The following NAT16 variants were observed in gnomAD, a reference collection of about 807,000 sequenced individuals.
NAT16 encodes the protein N-acetyltransferase 16 (putative), also known as probable N-acetyltransferase 16.
NAT16 carries 16 observed loss-of-function variants against 15.9 expected under a neutral mutation model. The ratio of observed to expected loss-of-function variants is 1.01; its 90% CI spans 0.68 to 1.53. The LOEUF (loss-of-function observed/expected upper bound fraction) is 1.53, where lower values mean the gene tolerates loss of function less well. NAT16 is among the 40% of genes most tolerant of loss of function. The pLI, the probability that NAT16 is intolerant of heterozygous loss-of-function variation, is 0.00. For missense variants in NAT16, 572 were observed against 508.4 expected (o/e 1.13, Z -1.20); for synonymous variants, 260 against 241.9 (o/e 1.07, Z -0.69).
chr7:101,173,693 A>ACAGT, intron 2 of NAT16, 173 bp from the exon 3 acceptor site: 1 of 563,436 alleles, frequency 1.8e-6, no homozygotes, highest in South Asian at 2.5e-5. Flanking sequence ...AGCCGGCAGA[A>ACAGT]CAGTCATTCG....
chr7:101,171,036 A>G lies in NAT16; in HGVS notation c.*1043T>C, dbSNP rs1389530503. ...AAGCATAAATGATCCAGAGAAAGGGAGTGGTGTCCAGAAATACCAGGAGGT... is the reference window on the plus strand; with the variant it reads ...AAGCATAAATGATCCAGAGAAAGGGGGTGGTGTCCAGAAATACCAGGAGGT... On this transcript the variant is annotated 3_prime_UTR_variant, in exon 4 of 4. Transcript: ENST00000300303. The G allele has an allele frequency of 6.6e-6, 1 of 152,254 alleles. No individual in the cohort carries two copies. The highest frequency in any genetic ancestry group is 1.5e-5 in the Non-Finnish European group (1 of 68,052). The allele number at this position is 152,254 out of a possible 1,614,324, so 9.4% of individuals were successfully genotyped here.
At chr7:101,174,365 C>G (rs892561679) in intron 2 of NAT16, 131 bp downstream of exon 2, 209 of 1,279,532 alleles carry the variant, frequency 1.6e-4, no homozygotes, top group Non-Finnish European at 2.1e-4. Flanking sequence ...GCACTTTGGT[C>G]CCAAAGCAGG....
Position 101,171,534 on chromosome 7 carries a change from G to A in NAT16, c.*545C>T. On this transcript the variant is annotated 3_prime_UTR_variant, in exon 4 of 4. Coordinates refer to ENST00000300303, the MANE Select transcript of NAT16 (RefSeq NM_198571.3). ...CTGATCTCTGGCACCAGAAGCTTGAGCAGGGGGAGGGGATTGGGGTGTGGA... is the reference window on the plus strand; with the variant it reads ...CTGATCTCTGGCACCAGAAGCTTGAACAGGGGGAGGGGATTGGGGTGTGGA... 1 of 153,418 alleles carries A rather than the reference G, an allele frequency of 6.5e-6. No homozygotes were observed. Among genetic ancestry groups the A allele is most frequent in the Admixed American group, 6.5e-5 (1 of 15,330 alleles). The allele number at this position is 153,418 out of a possible 1,614,324, so 9.5% of individuals were successfully genotyped here.
chr7:101,174,567 G>A lies in NAT16; in HGVS notation c.241C>T (p.Pro81Ser). 6.2e-7 allele frequency: 1 copy of A among 1,613,848 alleles called. No individual in the cohort carries two copies. Among genetic ancestry groups the A allele is most frequent in the Admixed American group, 1.7e-5 (1 of 60,028 alleles). ...GGIYGGLDYLPSRYHSWLRDP... is the reference protein window; with the variant it reads ...GGIYGGLDYLSSRYHSWLRDP... ...CGGAGCCAGCTGTGGTAGCGGCTAG[G>A]AAGGTAGTCCAGGCCGCCGTAGATG... The change falls in exon 2 of 4, where the codon CCT (proline) becomes TCT (serine). Residue 81 changes from proline to serine, a missense_variant. Coordinates refer to ENST00000300303, the MANE Select transcript of NAT16 (RefSeq NM_198571.3).
Position 101,174,579 on chromosome 7 carries a change from G to A in NAT16, c.229C>T (p.Leu77=). ...LAISGGIYGG[L]DYLPSRYHSW... ...TGGTAGCGGCTAGGAAGGTAGTCCA[G>A]GCCGCCGTAGATGCCCCCCGAGATG... The change falls in exon 2 of 4, where the codon CTG becomes TTG. Residue 77 remains leucine, a synonymous_variant. Transcript: ENST00000300303. 3 of 1,613,976 alleles carry A rather than the reference G, an allele frequency of 1.9e-6. No homozygotes were observed. The East Asian group carries it at 6.7e-5, about 36-fold the overall frequency.
Position 101,171,118 on chromosome 7 carries a change from G to T in NAT16, c.*961C>A, listed in dbSNP as rs1797310291. 6.6e-6 allele frequency: 1 copy of T among 152,334 alleles called. No individual in the cohort carries two copies. The highest frequency in any genetic ancestry group is 2.4e-5 in the African/African-American group (1 of 41,438). The allele number at this position is 152,334 out of a possible 1,614,324, so 9.4% of individuals were successfully genotyped here. On this transcript the variant is annotated 3_prime_UTR_variant, in exon 4 of 4. Coordinates refer to ENST00000300303, the MANE Select transcript of NAT16 (RefSeq NM_198571.3). ...GTTGGAACCAGGAGACAGCCCCTAT[G>T]CCAGGCTGAGGGACCCGCCCTCCAC... is the stretch of plus-strand genomic sequence containing the variant.
At chr7:101,175,950 T>C (rs1376091519) in intron 1 of NAT16, among the ~76,000 whole-genome samples, 1 of 148,866 alleles carries the variant, frequency 6.7e-6, no homozygotes, top group East Asian at 2.0e-4. Flanking sequence ...GCACACTCCT[T>C]CAAGGATCCC....
intron 1 of NAT16, among the ~76,000 whole-genome samples, chr7:101,178,927 C>T (rs1172321028): frequency 7.2e-6 from 1 of 138,408 alleles, no homozygotes; most frequent in East Asian, 2.1e-4. Context: ...TAACATTTCT[C>T]TCTTCATGTC....
chr7:101,178,904 A>AAAAAAAAAAAAAG (rs1359760336), intron 1 of NAT16, among the ~76,000 whole-genome samples: 1 of 150,194 alleles, frequency 6.7e-6, no homozygotes. Flanking sequence ...AAAAAAAAAA[A>AAAAAAAAAAAAAG]AAAAAAGAGG....
chr7:101,174,409 G>A (rs934252796), intron 2 of NAT16, 87 bp downstream of exon 2: 19 of 1,440,874 alleles, frequency 1.3e-5, no homozygotes, highest in Admixed American at 7.7e-5. Context: ...GAAGGCTGGG[G>A]AGAAGCTCTC....
At chr7:101,177,776 C>G (rs546185351) in intron 1 of NAT16, among the ~76,000 whole-genome samples, 5 of 152,166 alleles carry the variant, frequency 3.3e-5, no homozygotes, top group African/African-American at 4.8e-5. Flanking sequence ...ACCAGAGATG[C>G]GGTTGCTAGG....
chr7:101,172,349 G>A lies in NAT16; in HGVS notation c.840C>T (p.Cys280=). The change falls in exon 4 of 4, where the codon TGC becomes TGT. Residue 280 remains cysteine (C), a synonymous_variant. Coordinates refer to ENST00000300303, the MANE Select transcript of NAT16 (RefSeq NM_198571.3). This position sits in a 1 kb window ranked among gnomAD's most constrained non-coding sequence, Gnocchi z 4.2. ...CGTGCGGGATGGGGAAGGGGCGCGT[G>A]CACAGCGTGAGCACGCGCGGGCGCG... ...SRARPRVLTL[C]TRPFPIPHGG... 1.3e-6 allele frequency: 2 copies of A among 1,593,606 alleles called. No homozygotes were observed. Among genetic ancestry groups the A allele is most frequent in the Non-Finnish European group, 1.7e-6 (2 of 1,172,318 alleles).
chr7:101,174,843 T>TCAGC (rs1327274768), intron 1 of NAT16, 32 bp from the exon 2 acceptor site: 1 of 1,515,832 alleles, frequency 6.6e-7, no homozygotes, highest in East Asian at 2.3e-5. Context: ...AGCACCTGGA[T>TCAGC]CAGCCCCTTT....
Position 101,170,835 on chromosome 7 carries a change from G to T in NAT16, c.*1244C>A, listed in dbSNP as rs914814561. The T allele has an allele frequency of 3.9e-4, 60 of 152,228 alleles. 1 individual carries two copies. Among genetic ancestry groups the T allele is most frequent in the Non-Finnish European group, 1.3e-4 (9 of 68,064 alleles). The allele number at this position is 152,228 out of a possible 1,614,324, so 9.4% of individuals were successfully genotyped here. A position where few individuals can be genotyped will look rare whatever the true frequency, so the allele number is the denominator to read the frequency against. Reference sequence around the variant, plus strand: ...CATGCTCTAGGCTTGGGACACCCGGGTTCTATTCGCTGGGAGGCTCCTAGC... The same window carrying T: ...CATGCTCTAGGCTTGGGACACCCGGTTTCTATTCGCTGGGAGGCTCCTAGC... On this transcript the variant is annotated 3_prime_UTR_variant, in exon 4 of 4. Transcript: ENST00000300303.
rs1487520089 is a variant in NAT16, at chr7:101,173,372, A to G, written c.461T>C (p.Val154Ala). Reference protein sequence around the residue: ...SQLVKRQHPGVKVARLTRDDQ... With the variant: ...SQLVKRQHPGAKVARLTRDDQ... ...GTCCCGGGTGAGCCGTGCCACCTTG[A>G]CCCCCGGGTGCTGTCTCTTGACCAG... Residue 154 changes from valine (V) to alanine (A), a missense_variant, in exon 3 of 4, where the codon GTC becomes GCC. Coordinates refer to ENST00000300303, the MANE Select transcript of NAT16 (RefSeq NM_198571.3). 6.2e-7 allele frequency: 1 copy of G among 1,613,744 alleles called. No individual in the cohort carries two copies. The highest frequency in any genetic ancestry group is 1.3e-5 in the African/African-American group (1 of 74,918).
intron 1 of NAT16, among the ~76,000 whole-genome samples, chr7:101,177,901 G>A (rs1459755024): frequency 6.6e-6 from 1 of 152,164 alleles, no homozygotes; most frequent in Admixed American, 6.5e-5. Flanking sequence ...GAGGACAATG[G>A]GTCCCAGAGA....
At position 101,173,406 on chromosome 7, in the gene NAT16, A is replaced by G. The variant is rs779311549; in HGVS notation, c.427T>C (p.Cys143Arg). The G allele has an allele frequency of 2.5e-6, 4 of 1,613,722 alleles. No individual in the cohort carries two copies. Among genetic ancestry groups the G allele is most frequent in the Admixed American group, 3.3e-5 (2 of 60,000 alleles). Reference protein sequence around the residue: ...KGVAGLLQRFCSQLVKRQHPG... With the variant: ...KGVAGLLQRFRSQLVKRQHPG... The stretch of plus-strand genomic sequence containing the variant: ...TGCTGTCTCTTGACCAGCTGCGAGC[A>G]GAAGCGCTGCAGCAGCCCGGCCACG... The change falls in exon 3 of 4, where the codon TGC becomes CGC. Residue 143 changes from cysteine (C) to arginine (R), a missense_variant. Physicochemically the swap from Cys to Arg is radical, Grantham distance 180. Transcript: ENST00000300303.
chr7:101,176,981 C>T (rs1797482333), intron 1 of NAT16, among the ~76,000 whole-genome samples: 1 of 152,122 alleles, frequency 6.6e-6, no homozygotes. Flanking sequence ...GTTTGCACTT[C>T]CAAGCCATAA....
In NAT16 at chr7:101,171,787, T is replaced by C; in HGVS notation, c.*292A>G. 1 of 363,342 alleles carries C rather than the reference T, an allele frequency of 2.8e-6. No homozygotes were observed. Among genetic ancestry groups the C allele is most frequent in the Non-Finnish European group, 5.0e-6 (1 of 200,156 alleles). 22.5% of individuals were successfully genotyped at this position (363,342 alleles called of 1,614,324 possible). On this transcript the variant is annotated 3_prime_UTR_variant, in exon 4 of 4. Transcript: ENST00000300303. ...TGAAGCCTGTGCGGGGACCAGTTCT[T>C]TGGAAAAACAGAGGGTGGATAACAG...
Sources: gnomAD v4.1 joint callset for allele counts (sites outside exome capture counted in the v4.1 genomes callset) on GRCh38, gnomAD v4.1.1 for gene constraint, Gnocchi (gnomAD v3.1) non-coding constraint, MANE v1.5 for transcripts, NCBI Gene and HGNC (gene_info 2026-07-23, HGNC 2026-07-21) for gene names.